Variants in ST7 observed in about 807,000 individuals in gnomAD.
The protein encoded by ST7 is suppression of tumorigenicity 7, also known as suppressor of tumorigenicity 7 protein.
ST7 carries 28 observed loss-of-function variants against 78.7 expected under a neutral mutation model. That is an observed-to-expected ratio of 0.36 (90% CI 0.26 to 0.49). The LOEUF is 0.49. Ranked by LOEUF, ST7 falls within the 20% of genes least tolerant of loss-of-function variation. The pLI is 0.99. For synonymous variants in ST7, 247 were observed against 249.6 expected, an observed-to-expected ratio of 0.99 and a Z score of 0.10; for missense variants, 418 against 696.0, an observed-to-expected ratio of 0.60 and a Z score of 4.49.
chr7:117,030,348 C>T (rs1796412124), intron 1 of ST7, among the ~76,000 whole-genome samples: 1 of 152,078 alleles, frequency 6.6e-6, no homozygotes, highest in Non-Finnish European at 1.5e-5. Context: ...AGTAAAGCAT[C>T]ATTAATTTGA....
intron 13 of ST7, among the ~76,000 whole-genome samples, chr7:117,213,641 TA>T (rs547421533): frequency 0.055 from 7,988 of 144,572 alleles, 697 homozygotes; most frequent in African/African-American, 0.19. Flanking sequence ...ATGGTGGTTT[TA>T]AAAAAAAAAA....
intron 1 of ST7, among the ~76,000 whole-genome samples, chr7:116,960,469 G>A (rs913753540): frequency 3.3e-5 from 5 of 152,152 alleles, no homozygotes; most frequent in East Asian, 1.9e-4. Flanking sequence ...AATTCTAGGC[G>A]TGAGCCACTG....
At chr7:117,227,032 G>T (rs965384325) in intron 15 of ST7, among the ~76,000 whole-genome samples, 1 of 152,208 alleles carries the variant, frequency 6.6e-6, no homozygotes, top group African/African-American at 2.4e-5. Context: ...CTTTCCTCCT[G>T]ATTTTCAGAG....
chr7:117,032,442 G>A (rs1472549263), intron 1 of ST7, among the ~76,000 whole-genome samples: 1 of 151,984 alleles, frequency 6.6e-6, no homozygotes, highest in African/African-American at 2.4e-5. Flanking sequence ...TATTAAGCTG[G>A]TTCTGTAGTC....
chr7:117,125,428 T>C (rs920457903), intron 3 of ST7, among the ~76,000 whole-genome samples: 1 of 152,118 alleles, frequency 6.6e-6, no homozygotes, highest in Admixed American at 6.6e-5. Context: ...TGTTATTTCA[T>C]AAAGAATTTG....
At chr7:117,210,018 A>G (rs1371011034) in intron 13 of ST7, 81 bp downstream of exon 13, 2 of 1,489,148 alleles carry the variant, frequency 1.3e-6, no homozygotes, top group African/African-American at 2.8e-5. Context: ...ATGATGAATA[A>G]TGAAGATTTA....
At chr7:116,985,798 A>G (rs1400530234) in intron 1 of ST7, among the ~76,000 whole-genome samples, 1 of 152,204 alleles carries the variant, frequency 6.6e-6, no homozygotes, top group African/African-American at 2.4e-5. Flanking sequence ...TGACATAGCC[A>G]GTTTGGAAAT....
At chr7:117,218,322 AGACTAACATGCTGAT>A (rs1426051939) in intron 13 of ST7, among the ~76,000 whole-genome samples, 1 of 152,190 alleles carries the variant, frequency 6.6e-6, no homozygotes, top group Non-Finnish European at 1.5e-5. Context: ...AGGAACAGTG[AGACTAACATGCTGAT>A]GACATTGTAA....
chr7:117,051,529 G>T (rs1289423675), intron 1 of ST7, among the ~76,000 whole-genome samples: 3 of 152,190 alleles, frequency 2.0e-5, no homozygotes, highest in East Asian at 1.9e-4. Flanking sequence ...GGAATCTGGG[G>T]TTTATTCTGA....
chr7:117,180,057 C>A (rs1406590856), intron 10 of ST7, among the ~76,000 whole-genome samples: 1 of 152,212 alleles, frequency 6.6e-6, no homozygotes, highest in Non-Finnish European at 1.5e-5. Context: ...AATCCTAGTG[C>A]AGAAACTTTT....
chr7:116,988,758 C>T (rs984898992), intron 1 of ST7, among the ~76,000 whole-genome samples: 3 of 152,166 alleles, frequency 2.0e-5, no homozygotes, highest in African/African-American at 7.2e-5. Context: ...CAACCAAATA[C>T]AGGAATGGAG....
chr7:117,206,494 A>G (rs186123135), intron 12 of ST7, among the ~76,000 whole-genome samples: 9 of 152,286 alleles, frequency 5.9e-5, no homozygotes, highest in Non-Finnish European at 1.3e-4. Flanking sequence ...ACATACACAA[A>G]GATTGGAGAG....
chr7:117,076,039 T>A (rs1338231946), intron 1 of ST7, among the ~76,000 whole-genome samples: 4 of 152,168 alleles, frequency 2.6e-5, no homozygotes, highest in Admixed American at 2.0e-4. Flanking sequence ...TTCTTACACA[T>A]TGTTACATTG....
chr7:117,038,020 T>A (rs913266755), intron 1 of ST7, among the ~76,000 whole-genome samples: 3 of 152,212 alleles, frequency 2.0e-5, no homozygotes, highest in Non-Finnish European at 4.4e-5. Context: ...ATGGTAGATG[T>A]TTGACAATAA....
chr7:117,130,956 A>C (rs1337575121), intron 5 of ST7, among the ~76,000 whole-genome samples: 1 of 151,834 alleles, frequency 6.6e-6, no homozygotes, highest in African/African-American at 2.4e-5. Flanking sequence ...TAGAAATTGG[A>C]ATTTACTGGA....
chr7:117,080,043 G>T (rs925056700), intron 1 of ST7, among the ~76,000 whole-genome samples: 10 of 145,702 alleles, frequency 6.9e-5, no homozygotes, highest in Middle Eastern at 3.3e-3. Context: ...TGCAGTGGCG[G>T]GATCTCGGCT....
At chr7:117,022,499 T>A (rs1360402423) in intron 1 of ST7, among the ~76,000 whole-genome samples, 1 of 152,198 alleles carries the variant, frequency 6.6e-6, no homozygotes, top group Non-Finnish European at 1.5e-5. Context: ...TGTATTTTCT[T>A]TGTGTTCTGA....
At chr7:117,212,701 TTTTC>T (rs751859675) in intron 13 of ST7, among the ~76,000 whole-genome samples, 40 of 152,330 alleles carry the variant, frequency 2.6e-4, no homozygotes, top group Non-Finnish European at 4.3e-4. Context: ...GTAATTTCTT[TTTTC>T]TTCATATTTC....
At chr7:117,111,644 A>G (rs975071106) in intron 2 of ST7, among the ~76,000 whole-genome samples, 1 of 152,124 alleles carries the variant, frequency 6.6e-6, no homozygotes, top group African/African-American at 2.4e-5. Context: ...ATACCCATCC[A>G]TCCAGCTTTT....
Sources: allele counts gnomAD v4.1 joint callset (sites outside exome capture counted in the v4.1 genomes callset), GRCh38; gene constraint gnomAD v4.1.1; transcripts MANE v1.5; gene names NCBI Gene and HGNC (gene_info 2026-07-23, HGNC 2026-07-21).